CALD1: variants seen among roughly 807,000 people sequenced by gnomAD.
CALD1 encodes caldesmon 1, also known as caldesmon.
Under a neutral mutation model 99.9 loss-of-function variants are expected in CALD1, and 33 were observed. The observed-to-expected ratio is 0.33, with a 90% CI of 0.25 to 0.44. The LOEUF (loss-of-function observed/expected upper bound fraction) is 0.44, where lower values mean the gene tolerates loss of function less well. Among genes scored for constraint, CALD1 ranks in the 20% least tolerant of loss-of-function variants. The pLI is 1.00. For synonymous variants in CALD1, 310 were observed against 325.0 expected (o/e 0.95, Z 0.50); for missense variants, 861 against 962.1 (o/e 0.89, Z 1.39).
chr7:134,810,359 C>A (rs940666483), intron 1 of CALD1, among the ~76,000 whole-genome samples: 1 of 152,194 alleles, frequency 6.6e-6, no homozygotes, highest in East Asian at 1.9e-4. Context: ...TTACACCTGG[C>A]AGATTACAGC....
At chr7:134,952,843 C>T (rs774497255) in intron 9 of CALD1, among the ~76,000 whole-genome samples, 6 of 152,098 alleles carry the variant, frequency 3.9e-5, no homozygotes, top group Non-Finnish European at 7.4e-5. Flanking sequence ...GTACTTGAAC[C>T]CTTGTCTCAA....
intron 3 of CALD1, among the ~76,000 whole-genome samples, chr7:134,877,189 C>T (rs1801391669): frequency 6.6e-6 from 1 of 152,174 alleles, no homozygotes; most frequent in African/African-American, 2.4e-5. Flanking sequence ...GAAAAGCCCT[C>T]TCTGGGGTCA....
upstream of CALD1, among the ~76,000 whole-genome samples, chr7:134,777,372 C>T (rs955519996): frequency 6.6e-6 from 1 of 152,152 alleles, no homozygotes; most frequent in African/African-American, 2.4e-5. Context: ...CAGAATTTAT[C>T]TATGGAAACA....
At chr7:134,749,944 C>T (rs907761944) in intron 1 of CALD1, among the ~76,000 whole-genome samples, 1 of 152,078 alleles carries the variant, frequency 6.6e-6, no homozygotes, top group African/African-American at 2.4e-5. Flanking sequence ...AGTAAACAGG[C>T]GCCTTCTATA....
intron 3 of CALD1, among the ~76,000 whole-genome samples, chr7:134,920,172 C>T (rs1198505196): frequency 6.6e-6 from 1 of 152,146 alleles, no homozygotes; most frequent in Non-Finnish European, 1.5e-5. Flanking sequence ...CTCCTGATCA[C>T]AGTATGGTCT....
At chr7:134,894,523 C>G (rs931692581) in intron 3 of CALD1, among the ~76,000 whole-genome samples, 1 of 152,164 alleles carries the variant, frequency 6.6e-6, no homozygotes, top group Non-Finnish European at 1.5e-5. Context: ...CTTTGCTAGA[C>G]GTACTAGGTT....
intron 1 of CALD1, among the ~76,000 whole-genome samples, chr7:134,770,045 G>C (rs1348504850): frequency 6.6e-6 from 1 of 152,056 alleles, no homozygotes; most frequent in African/African-American, 2.4e-5. Flanking sequence ...TTTATTTCTT[G>C]ATGTAACCAA....
intron 9 of CALD1, among the ~76,000 whole-genome samples, chr7:134,956,504 A>G (rs764938457): frequency 1.6e-4 from 24 of 152,340 alleles, no homozygotes; most frequent in African/African-American, 4.6e-4. Flanking sequence ...ATTCTGCACT[A>G]TATGAGGACA....
chr7:134,821,804 G>A (rs558483477), intron 1 of CALD1, among the ~76,000 whole-genome samples: 13 of 151,834 alleles, frequency 8.6e-5, no homozygotes, highest in Admixed American at 5.2e-4. Context: ...CCTGGTCTCC[G>A]GTTCCTGAAC....
At chr7:134,790,473 C>G (rs771608282) in intron 1 of CALD1, among the ~76,000 whole-genome samples, 2 of 152,138 alleles carry the variant, frequency 1.3e-5, no homozygotes, top group Non-Finnish European at 2.9e-5. Context: ...CTGTGTCTTC[C>G]CCCAAGAAAG....
intron 3 of CALD1, among the ~76,000 whole-genome samples, chr7:134,875,574 T>C (rs1427626888): frequency 6.6e-6 from 1 of 151,924 alleles, no homozygotes; most frequent in Non-Finnish European, 1.5e-5. Context: ...GAGGTGGAGG[T>C]TGCAGTGAGC....
At chr7:134,774,376 G>T (rs1796901225) in intron 1 of CALD1, among the ~76,000 whole-genome samples, 1 of 152,162 alleles carries the variant, frequency 6.6e-6, no homozygotes, top group African/African-American at 2.4e-5. Flanking sequence ...GCCCTGCAGG[G>T]TGAGGCGATT....
intron 1 of CALD1, among the ~76,000 whole-genome samples, chr7:134,841,262 T>C (rs1246699821): frequency 2.0e-5 from 3 of 152,198 alleles, no homozygotes; most frequent in Non-Finnish European, 4.4e-5. Context: ...CCTAAGATCA[T>C]ATATTTCTTT....
chr7:134,825,177 G>C (rs1798939967), intron 1 of CALD1, among the ~76,000 whole-genome samples: 1 of 152,098 alleles, frequency 6.6e-6, no homozygotes. Flanking sequence ...AAAGTGGGGA[G>C]AAAGGGGGAT....
the CALD1 span, among the ~76,000 whole-genome samples, chr7:134,720,753 A>G: frequency 6.6e-6 from 1 of 152,350 alleles, no homozygotes; most frequent in Non-Finnish European, 1.5e-5. Context: ...AGAGTGGGGA[A>G]TGAAGGGTCT....
At chr7:134,911,070 A>G (rs111292370) in intron 3 of CALD1, among the ~76,000 whole-genome samples, 1 of 151,488 alleles carries the variant, frequency 6.6e-6, no homozygotes, top group South Asian at 2.1e-4. Flanking sequence ...CATCTCCTGT[A>G]TTTTTTTCTA....
intron 11 of CALD1, among the ~76,000 whole-genome samples, chr7:134,959,211 G>A (rs569829125): frequency 4.6e-5 from 7 of 150,542 alleles, no homozygotes; most frequent in Non-Finnish European, 1.0e-4. Flanking sequence ...ATGGAGTTTC[G>A]CTCTTGTTGC....
chr7:134,726,167 C>T, the CALD1 span, among the ~76,000 whole-genome samples: 3 of 151,584 alleles, frequency 2.0e-5, no homozygotes, highest in African/African-American at 4.8e-5. Flanking sequence ...GGCTAACATC[C>T]CACCAAAAAT....
In CALD1 at chr7:134,783,253, T is replaced by G. The variant is rs141905719; in HGVS notation, c.-130+3504T>G. Among the ~76,000 whole-genome samples, 18 of 152,294 alleles carry G rather than the reference T, an allele frequency of 1.2e-4. No individual in the cohort carries two copies. In the East Asian group the frequency reaches 3.5e-3, roughly 29 times the overall value. On this transcript the variant is annotated intron_variant, in intron 1 of 14. Coordinates refer to ENST00000361675, the MANE Select transcript of CALD1 (RefSeq NM_033138.4). The surrounding 1 kb of genome is among the most constrained non-coding windows in gnomAD (Gnocchi z 4.3). ...CTTCTGTCTTTAGTGCTCCCAGCTG[T>G]AACCGACCCTAGTTGCATCCCTAAC...
Sources: allele counts gnomAD v4.1 joint callset (sites outside exome capture counted in the v4.1 genomes callset), GRCh38; gene constraint gnomAD v4.1.1; non-coding constraint Gnocchi (gnomAD v3.1); transcripts MANE v1.5; gene names NCBI Gene and HGNC (gene_info 2026-07-23, HGNC 2026-07-21).